The following PDS5A variants were observed in gnomAD, a reference collection of about 807,000 sequenced individuals.
PDS5A encodes the protein sister chromatid cohesion protein PDS5 homolog A.
PDS5A carries 42 observed loss-of-function variants against 167.1 expected under a neutral mutation model. That is an observed-to-expected ratio of 0.25 (90% confidence interval 0.20 to 0.33). The LOEUF (loss-of-function observed/expected upper bound fraction) is 0.33, where lower values mean the gene tolerates loss of function less well. Ranked by LOEUF, PDS5A falls within the 10% of genes least tolerant of loss-of-function variation. PDS5A has a pLI of 1.00. For synonymous variants in PDS5A, 553 were observed against 554.6 expected, an observed-to-expected ratio of 1.00 and a Z score of 0.04; for missense variants, 1,033 against 1,605.9, an observed-to-expected ratio of 0.64 and a Z score of 6.10.
chr4:39,826,263 G>T (rs1475340044), intron 32 of PDS5A, among the ~76,000 whole-genome samples: 1 of 150,968 alleles, frequency 6.6e-6, no homozygotes, highest in Non-Finnish European at 1.5e-5. Context: ...AGTGGGACAT[G>T]GCCTCTTTCT....
intron 2 of PDS5A, among the ~76,000 whole-genome samples, chr4:39,947,896 A>T (rs1727923728): frequency 6.6e-6 from 1 of 152,130 alleles, no homozygotes; most frequent in South Asian, 2.1e-4. Flanking sequence ...TGAGAACCAA[A>T]CTTCAACATA....
chr4:39,940,658 A>G (rs1253156380), intron 2 of PDS5A, among the ~76,000 whole-genome samples: 1 of 152,162 alleles, frequency 6.6e-6, no homozygotes, highest in East Asian at 1.9e-4. Context: ...ACAGACCTAC[A>G]GATTTTTATT....
At chr4:39,902,514 A>T in intron 12 of PDS5A, 54 bp from the exon 13 acceptor site, 1 of 936,848 alleles carries the variant, frequency 1.1e-6, no homozygotes, top group Non-Finnish European at 1.6e-6. Flanking sequence ...TTCCATTTTT[A>T]AGAAGCAATT....
chr4:39,888,160 T>C (rs779562924), intron 17 of PDS5A, among the ~76,000 whole-genome samples: 15 of 143,400 alleles, frequency 1.0e-4, no homozygotes, highest in Non-Finnish European at 1.9e-4. Context: ...GACGCAGAAC[T>C]GCGTGAACCT....
At chr4:39,963,011 T>C (rs1339429766) in intron 2 of PDS5A, among the ~76,000 whole-genome samples, 1 of 151,492 alleles carries the variant, frequency 6.6e-6, no homozygotes, top group Non-Finnish European at 1.5e-5. Flanking sequence ...TTTTATATGT[T>C]TACCACAATT....
At chr4:39,830,100 C>T (rs1481077787) in intron 32 of PDS5A, among the ~76,000 whole-genome samples, 2 of 151,970 alleles carry the variant, frequency 1.3e-5, no homozygotes, top group African/African-American at 2.4e-5. Context: ...GAGCAAGGTC[C>T]GTTCAGGTCT....
At chr4:39,900,378 G>C (rs1197962212) in intron 14 of PDS5A, 48 bp downstream of exon 14, 1 of 1,175,278 alleles carries the variant, frequency 8.5e-7, no homozygotes, top group Non-Finnish European at 1.2e-6. Flanking sequence ...CAGAAAATCT[G>C]AACAGTGACT....
intron 26 of PDS5A, among the ~76,000 whole-genome samples, chr4:39,860,651 A>G (rs1452681551): frequency 6.6e-6 from 1 of 152,222 alleles, no homozygotes; most frequent in Non-Finnish European, 1.5e-5. Context: ...AAAATTACTC[A>G]TCCATAAAAA....
At chr4:39,890,668 G>A (rs1382302904) in intron 16 of PDS5A, among the ~76,000 whole-genome samples, 1 of 152,058 alleles carries the variant, frequency 6.6e-6, no homozygotes, top group Non-Finnish European at 1.5e-5. Flanking sequence ...CCAGGCTACA[G>A]TGCAGTGGCA....
intron 26 of PDS5A, among the ~76,000 whole-genome samples, chr4:39,861,582 T>A (rs528116852): frequency 8.8e-4 from 134 of 152,330 alleles, no homozygotes; most frequent in Middle Eastern, 3.4e-3. Context: ...ATTTGTATTT[T>A]AAAAATTTTA....
At chr4:39,888,690 CA>C (rs3070900) in intron 17 of PDS5A, among the ~76,000 whole-genome samples, 1 of 149,332 alleles carries the variant, frequency 6.7e-6, no homozygotes. Context: ...CCAAGAACAA[CA>C]AAAAAAAAAC....
At chr4:39,921,694 A>G (rs935715453) in intron 6 of PDS5A, among the ~76,000 whole-genome samples, 1 of 151,930 alleles carries the variant, frequency 6.6e-6, no homozygotes, top group South Asian at 2.1e-4. Context: ...AGAGGCGGCA[A>G]TGAGCCAAGA....
chr4:39,974,740 C>T (rs371706284), intron 2 of PDS5A, among the ~76,000 whole-genome samples: 2 of 151,990 alleles, frequency 1.3e-5, no homozygotes, highest in African/African-American at 2.4e-5. Context: ...CTCCAGACCT[C>T]GGGTGATTTG....
intron 7 of PDS5A, among the ~76,000 whole-genome samples, 151 bp from the exon 8 acceptor site, chr4:39,917,339 A>G (rs1448499995): frequency 6.6e-6 from 1 of 152,192 alleles, no homozygotes; most frequent in Admixed American, 6.5e-5. Flanking sequence ...TTACTAATAT[A>G]TAATAGGACA....
At chr4:39,936,987 CAG>C (rs1348793064) in intron 2 of PDS5A, 2 of 152,232 alleles carry the variant, frequency 1.3e-5, no homozygotes, top group Non-Finnish European at 2.9e-5. Flanking sequence ...GATGGGGACA[CAG>C]AGCTTCGTAT....
intron 7 of PDS5A, 148 bp downstream of exon 7, chr4:39,920,171 G>C (rs992724346): frequency 3.2e-5 from 12 of 375,298 alleles, no homozygotes; most frequent in Non-Finnish European, 5.4e-5. Context: ...TGAAACTTAT[G>C]CTGCATTTCT....
chr4:39,924,116 CAT>C (rs1374712595), intron 5 of PDS5A, among the ~76,000 whole-genome samples: 1 of 152,162 alleles, frequency 6.6e-6, no homozygotes, highest in African/African-American at 2.4e-5. Context: ...ACCCAGTCAG[CAT>C]ACGAACAGGC....
At chr4:39,898,273 C>A in intron 16 of PDS5A, 116 bp downstream of exon 16, 1 of 1,352,894 alleles carries the variant, frequency 7.4e-7, no homozygotes, top group Non-Finnish European at 9.5e-7. Flanking sequence ...CAAAGTAATT[C>A]AGAGCTCACA....
Position 39,925,859 on chromosome 4 carries a change from A to G in PDS5A, c.504T>C (p.Phe168=). Residue 168 remains phenylalanine, a synonymous_variant, in exon 5 of 33, where the codon TTT becomes TTC. Transcript: ENST00000303538. ...ACTTGATCACTGAGAAGAGAGTTCT[A>G]AAAAGCTGAATAAAAATTTCATTGC... is the stretch of plus-strand genomic sequence containing the variant. ...EDCNEIFIQL[F]RTLFSVINNS... 6.7e-7 allele frequency: 1 copy of G among 1,484,394 alleles called. No homozygotes were observed. Among genetic ancestry groups the G allele is most frequent in the Non-Finnish European group, 9.3e-7 (1 of 1,079,774 alleles). The allele number at this position is 1,484,394 out of a possible 1,614,324, so 92.0% of individuals were successfully genotyped here.
Sources: gnomAD v4.1 joint callset for allele counts (sites outside exome capture counted in the v4.1 genomes callset) on GRCh38, gnomAD v4.1.1 for gene constraint, MANE v1.5 for transcripts, NCBI Gene and HGNC (gene_info 2026-07-23, HGNC 2026-07-21) for gene names.